WDR7: variants seen among roughly 807,000 people sequenced by gnomAD.
WDR7 encodes WD repeat domain 7.
WDR7 carries 46 observed loss-of-function variants against 169.4 expected under a neutral mutation model. The observed-to-expected ratio is 0.27, with a 90% CI of 0.21 to 0.35. WDR7 has a LOEUF of 0.35. Among genes scored for constraint, WDR7 ranks in the 10% least tolerant of loss-of-function variants. WDR7 has a pLI of 1.00. For synonymous variants in WDR7, 612 were observed against 666.8 expected (o/e 0.92, Z 1.27); for missense variants, 1,534 against 1,859.3 (o/e 0.83, Z 3.22).
At chr18:56,846,749 A>G (rs2045574671) in intron 20 of WDR7, among the ~76,000 whole-genome samples, 1 of 152,100 alleles carries the variant, frequency 6.6e-6, no homozygotes, top group Non-Finnish European at 1.5e-5. Context: ...CAAGTGATGC[A>G]CCTGCTCCTC....
chr18:56,944,227 C>T (rs9966544), intron 25 of WDR7, among the ~76,000 whole-genome samples: 18,035 of 151,204 alleles, frequency 0.12, 3,480 homozygotes, highest in African/African-American at 0.41. Flanking sequence ...CTCTTGACCT[C>T]ATGATCTGCC....
Position 56,967,568 on chromosome 18 carries a change from G to T in WDR7, c.4164+5039G>T, listed in dbSNP as rs190191000. 1.2e-3 allele frequency among the ~76,000 whole-genome samples: 177 copies of T among 151,714 alleles called. 3 individuals carry two copies. The highest frequency in any genetic ancestry group is 3.7e-3 in the African/African-American group (151 of 41,044). ...CTTCCCTCTATCAATATTTGCCTTT[G>T]GTTTGGCAGACTTGATATCATATCT... On this transcript the variant is annotated intron_variant, in intron 26 of 27. Transcript: ENST00000254442.
chr18:56,738,921 G>A (rs1212262461), intron 14 of WDR7, among the ~76,000 whole-genome samples: 1 of 144,932 alleles, frequency 6.9e-6, no homozygotes, highest in African/African-American at 2.6e-5. Context: ...GTAACTCAGT[G>A]CAAACATTGG....
intron 21 of WDR7, among the ~76,000 whole-genome samples, chr18:56,914,228 A>G (rs2046592757): frequency 6.6e-6 from 1 of 152,142 alleles, no homozygotes; most frequent in South Asian, 2.1e-4. Context: ...ATTCTCTTTC[A>G]TCTCACTCAA....
At chr18:56,946,404 A>G (rs932465274) in intron 25 of WDR7, among the ~76,000 whole-genome samples, 3 of 152,208 alleles carry the variant, frequency 2.0e-5, no homozygotes, top group African/African-American at 7.2e-5. Context: ...TTTTAAATCT[A>G]GATGACAGCC....
intron 2 of WDR7, among the ~76,000 whole-genome samples, chr18:56,677,858 C>G (rs1281923627): frequency 1.3e-5 from 2 of 152,154 alleles, no homozygotes; most frequent in Non-Finnish European, 2.9e-5. Context: ...ACCCCTATCT[C>G]CTTCTCTGCC....
intron 1 of WDR7, among the ~76,000 whole-genome samples, chr18:56,671,470 C>T (rs2025133651): frequency 1.3e-5 from 2 of 152,104 alleles, no homozygotes; most frequent in Non-Finnish European, 2.9e-5. Flanking sequence ...TGGAGTTTCA[C>T]CTTGTTGGCC....
intron 1 of WDR7, among the ~76,000 whole-genome samples, chr18:56,665,667 T>G (rs2025004682): frequency 6.6e-6 from 1 of 152,208 alleles, no homozygotes; most frequent in African/African-American, 2.4e-5. Context: ...CAGGTACCCT[T>G]TAAAAATTAT....
At chr18:56,883,036 C>T (rs2046132704) in intron 21 of WDR7, among the ~76,000 whole-genome samples, 1 of 151,906 alleles carries the variant, frequency 6.6e-6, no homozygotes, top group Admixed American at 6.6e-5. Context: ...CAGTGAAACC[C>T]CATCTCTACT....
chr18:56,854,503 C>T (rs74714955), intron 20 of WDR7, among the ~76,000 whole-genome samples: 2 of 152,224 alleles, frequency 1.3e-5, no homozygotes, highest in African/African-American at 4.8e-5. Flanking sequence ...ATACCCCGTC[C>T]TCCTCGGCCT....
chr18:56,700,091 G>C (rs2144660261), intron 12 of WDR7, among the ~76,000 whole-genome samples: 1 of 151,722 alleles, frequency 6.6e-6, no homozygotes, highest in Middle Eastern at 3.4e-3. Flanking sequence ...TTGTTAGTGG[G>C]ACTTTTAATT....
At chr18:56,923,518 G>T (rs1438492334) in intron 21 of WDR7, among the ~76,000 whole-genome samples, 5 of 152,138 alleles carry the variant, frequency 3.3e-5, no homozygotes, top group Non-Finnish European at 7.4e-5. Context: ...TGTTACTGAG[G>T]GGGAGTATTT....
chr18:56,949,156 T>TCCCTCCCTCTC (rs879455948), intron 25 of WDR7, among the ~76,000 whole-genome samples: 1 of 143,860 alleles, frequency 7.0e-6, no homozygotes, highest in African/African-American at 2.5e-5. Context: ...CTCTCTCTCT[T>TCCCTCCCTCTC]TCCCTTTGGC....
intron 26 of WDR7, among the ~76,000 whole-genome samples, chr18:56,988,460 G>A (rs949303086): frequency 3.3e-5 from 5 of 152,096 alleles, no homozygotes; most frequent in African/African-American, 9.7e-5. Context: ...ATAAGCCAAA[G>A]TTTAAACCCA....
intron 21 of WDR7, among the ~76,000 whole-genome samples, chr18:56,883,948 A>G (rs1332409180): frequency 7.2e-5 from 11 of 151,994 alleles, no homozygotes; most frequent in Non-Finnish European, 1.6e-4. Flanking sequence ...TATTTTTGCA[A>G]TTGCTAATTG....
intron 26 of WDR7, among the ~76,000 whole-genome samples, chr18:57,014,025 G>A (rs569623788): frequency 6.6e-6 from 1 of 152,272 alleles, no homozygotes; most frequent in East Asian, 1.9e-4. Context: ...ACTCAGTCTG[G>A]TTTGAAATTC....
chr18:56,844,613 A>G (rs2045540642), intron 20 of WDR7, among the ~76,000 whole-genome samples: 1 of 152,242 alleles, frequency 6.6e-6, no homozygotes, highest in South Asian at 2.1e-4. Flanking sequence ...TGGTAAGAGA[A>G]TAAAGAGCTA....
At chr18:56,948,239 A>G (rs2145728395) in intron 25 of WDR7, among the ~76,000 whole-genome samples, 1 of 152,266 alleles carries the variant, frequency 6.6e-6, no homozygotes, top group South Asian at 2.1e-4. Flanking sequence ...CATTTCTTTT[A>G]TAGCAACTAG....
chr18:56,865,332 A>G (rs867779141), intron 20 of WDR7, among the ~76,000 whole-genome samples: 86 of 152,230 alleles, frequency 5.6e-4, no homozygotes, highest in Admixed American at 5.5e-3. Context: ...CTTGAATACA[A>G]CAGTGCTGTA....
Sources: gnomAD v4.1 joint callset for allele counts (sites outside exome capture counted in the v4.1 genomes callset) on GRCh38, gnomAD v4.1.1 for gene constraint, MANE v1.5 for transcripts, NCBI Gene and HGNC (gene_info 2026-07-23, HGNC 2026-07-21) for gene names.